KIF26B: variants seen among roughly 807,000 people sequenced by gnomAD.
The protein encoded by KIF26B is kinesin-like protein KIF26B.
In KIF26B, 63 loss-of-function variants were observed where a neutral mutation model predicts 151.2. The observed-to-expected ratio is 0.42, with a 90% CI of 0.34 to 0.51. The LOEUF is 0.51. Ranked by LOEUF, KIF26B falls within the 20% of genes least tolerant of loss-of-function variation. KIF26B has a pLI of 0.07. For synonymous variants in KIF26B, 1,357 were observed against 1,262.1 expected (o/e 1.08, Z -1.59); for missense variants, 2,813 against 2,913.6 (o/e 0.97, Z 0.79).
At chr1:245,251,399 TC>T (rs1046211991) in intron 2 of KIF26B, among the ~76,000 whole-genome samples, 2 of 152,160 alleles carry the variant, frequency 1.3e-5, no homozygotes, top group African/African-American at 4.8e-5. Context: ...TCAAATATCT[TC>T]TCCTAATCTG....
At chr1:245,198,902 G>A (rs905064649) in intron 2 of KIF26B, among the ~76,000 whole-genome samples, 7 of 33,768 alleles carry the variant, frequency 2.1e-4, no homozygotes, top group Admixed American at 6.6e-4. Flanking sequence ...TCAGGAAGGC[G>A]TGGTGTGCAG....
chr1:245,687,767 C>T lies in KIF26B; in HGVS notation c.4784C>T (p.Thr1595Ile). 6.3e-7 allele frequency: 1 copy of T among 1,581,366 alleles called. No individual in the cohort carries two copies. The highest frequency in any genetic ancestry group is 1.2e-5 in the South Asian group (1 of 85,924). Residue 1595 changes from threonine (T) to isoleucine (I), a missense_variant, in exon 12 of 15, where the codon ACT becomes ATT. Thr to Ile is a moderately conservative substitution (Grantham distance 89, BLOSUM62 -1). This residue lies in a region of KIF26B where 2,060 missense variants were observed against 2,088.6 expected (regional missense o/e 0.99). Transcript: ENST00000407071. This position sits in a 1 kb window ranked among gnomAD's most constrained non-coding sequence, Gnocchi z 4.9. ...KHCVLARPKG[T>I]PPLPPVRKSS... ...TGTGTTCTGGCTCGGCCCAAAGGGA[C>T]TCCCCCTCTGCCCCCTGTCCGAAAG...
chr1:245,446,922 G>C (rs756599981), intron 4 of KIF26B, among the ~76,000 whole-genome samples: 4 of 152,116 alleles, frequency 2.6e-5, no homozygotes, highest in Non-Finnish European at 5.9e-5. Context: ...CCATGATTTG[G>C]GAAGTAAGTT....
chr1:245,341,953 G>A (rs1395476119), intron 2 of KIF26B, among the ~76,000 whole-genome samples: 1 of 152,146 alleles, frequency 6.6e-6, no homozygotes, highest in Non-Finnish European at 1.5e-5. Flanking sequence ...GTATCACAGG[G>A]ATGTTGATTT....
At chr1:245,240,044 C>A (rs1215205790) in intron 2 of KIF26B, among the ~76,000 whole-genome samples, 1 of 152,054 alleles carries the variant, frequency 6.6e-6, no homozygotes, top group Non-Finnish European at 1.5e-5. Flanking sequence ...ATGGCGCACA[C>A]CTGTAGTCCC....
Position 245,707,644 on chromosome 1 carries a change from T to TG in KIF26B, c.*5043dup, listed in dbSNP as rs2044858952. On this transcript the variant is annotated 3_prime_UTR_variant, in exon 15 of 15. Coordinates refer to ENST00000407071, the MANE Select transcript of KIF26B (RefSeq NM_018012.4). The stretch of plus-strand genomic sequence containing the variant: ...AAAGTCTGTTAGTGGAAACATGGGC[T>TG]GGGGGATGGGGAGAGGACAGATAAA... 1 of 152,198 alleles carries TG rather than the reference T, an allele frequency of 6.6e-6. No individual in the cohort carries two copies. The highest frequency in any genetic ancestry group is 1.5e-5 in the Non-Finnish European group (1 of 68,032). 9.4% of individuals were successfully genotyped at this position (152,198 alleles called of 1,614,324 possible). A position where few individuals can be genotyped will look rare whatever the true frequency, so the allele number is the denominator to read the frequency against.
intron 2 of KIF26B, among the ~76,000 whole-genome samples, chr1:245,267,998 A>G (rs1670778272): frequency 1.3e-5 from 2 of 152,152 alleles, no homozygotes; most frequent in African/African-American, 4.8e-5. Flanking sequence ...ATCCTTAAAG[A>G]CTGGCAATAA....
chr1:245,176,778 C>T (rs529469239), intron 2 of KIF26B, among the ~76,000 whole-genome samples: 4 of 152,288 alleles, frequency 2.6e-5, no homozygotes, highest in Admixed American at 2.0e-4. Context: ...AGTCTTCCTG[C>T]GACTTTTAAC....
chr1:245,617,631 T>C (rs1034252231), intron 9 of KIF26B, among the ~76,000 whole-genome samples: 3 of 152,132 alleles, frequency 2.0e-5, no homozygotes, highest in Non-Finnish European at 4.4e-5. Context: ...AGGGCTCTCA[T>C]CTCCCGCTTG....
At chr1:245,670,240 A>G (rs74156615) in intron 10 of KIF26B, among the ~76,000 whole-genome samples, 1 of 81,144 alleles carries the variant, frequency 1.2e-5, no homozygotes, top group African/African-American at 5.0e-5. Flanking sequence ...ATGCGTGTGT[A>G]TATCCATATA....
chr1:245,461,381 A>C (rs1409895711), intron 4 of KIF26B, among the ~76,000 whole-genome samples: 1 of 151,580 alleles, frequency 6.6e-6, no homozygotes, highest in African/African-American at 2.4e-5. Flanking sequence ...TCCCAGGCCC[A>C]AGCAATGCCC....
At chr1:245,550,467 C>T (rs948346647) in intron 5 of KIF26B, among the ~76,000 whole-genome samples, 1 of 152,248 alleles carries the variant, frequency 6.6e-6, no homozygotes, top group Non-Finnish European at 1.5e-5. Flanking sequence ...TCACCAGCAC[C>T]CTGCTGTAAA....
chr1:245,471,230 G>A (rs951650615), intron 4 of KIF26B, among the ~76,000 whole-genome samples: 5 of 151,450 alleles, frequency 3.3e-5, no homozygotes, highest in Middle Eastern at 3.4e-3. Flanking sequence ...TCCCAGGTTC[G>A]TGCAGTTCTC....
chr1:245,155,592 T>G, intron 1 of KIF26B, 105 bp downstream of exon 1: 3 of 986,126 alleles, frequency 3.0e-6, no homozygotes, highest in Admixed American at 3.1e-5. Flanking sequence ...TCTCCCCCGC[T>G]GCAGAGGCGC....
chr1:245,353,049 A>C (rs537653069), intron 2 of KIF26B, among the ~76,000 whole-genome samples: 11 of 152,252 alleles, frequency 7.2e-5, no homozygotes, highest in Non-Finnish European at 1.5e-4. Flanking sequence ...TAGACAATGT[A>C]TATGAATTGA....
In KIF26B at chr1:245,358,786, G is replaced by C. The variant is rs78647704; in HGVS notation, c.466-8048G>C. ...GAAAGTAATATTTTAGTGCATTCTAGTATAATCTTGATTAGTGCTTACATG... is the reference window on the plus strand; with the variant it reads ...GAAAGTAATATTTTAGTGCATTCTACTATAATCTTGATTAGTGCTTACATG... On this transcript the variant is annotated intron_variant, in intron 2 of 14. Transcript: ENST00000407071. This position sits in a 1 kb window ranked among gnomAD's most constrained non-coding sequence, Gnocchi z 4.1. 9.1e-3 allele frequency among the ~76,000 whole-genome samples: 1,387 copies of C among 152,264 alleles called. 21 individuals are homozygous for C. Among genetic ancestry groups the C allele is most frequent in the East Asian group, 0.04 (207 of 5,184 alleles).
chr1:245,207,400 G>A (rs577674366), intron 2 of KIF26B, among the ~76,000 whole-genome samples: 14 of 152,278 alleles, frequency 9.2e-5, no homozygotes, highest in African/African-American at 2.6e-4. Context: ...AACTGAACCC[G>A]ATTGGCTAAC....
In KIF26B at chr1:245,563,418, A is replaced by G. The variant is rs2042974937; in HGVS notation, c.1350+22468A>G. Among the ~76,000 whole-genome samples, 2 of 152,104 alleles carry G rather than the reference A, an allele frequency of 1.3e-5. No homozygotes were observed. The highest frequency in any genetic ancestry group is 2.9e-5 in the Non-Finnish European group (2 of 68,016). The stretch of plus-strand genomic sequence containing the variant: ...CAAGGATCACTGGTCTTTCGCATAT[A>G]CCCTCTTGCTCCCGAATCATTAAGA... On this transcript the variant is annotated intron_variant, in intron 5 of 14. Transcript: ENST00000407071. This position sits in a 1 kb window ranked among gnomAD's most constrained non-coding sequence, Gnocchi z 4.6.
chr1:245,400,155 G>T (rs573691168), intron 3 of KIF26B, among the ~76,000 whole-genome samples: 2 of 152,260 alleles, frequency 1.3e-5, no homozygotes, highest in African/African-American at 4.8e-5. Flanking sequence ...TTTTCTGAGG[G>T]TGCAATTTTA....
Sources: gnomAD v4.1 joint callset for allele counts (sites outside exome capture counted in the v4.1 genomes callset) on GRCh38, gnomAD v4.1.1 for gene constraint, gnomAD v4.1.1 regional missense constraint, Gnocchi (gnomAD v3.1) non-coding constraint, MANE v1.5 for transcripts, NCBI Gene and HGNC (gene_info 2026-07-23, HGNC 2026-07-21) for gene names.